Variants in ZFYVE9 observed in about 807,000 individuals in gnomAD.
ZFYVE9 encodes zinc finger FYVE domain-containing protein 9.
Under a neutral mutation model 126.7 loss-of-function variants are expected in ZFYVE9, and 43 were observed. That is an observed-to-expected ratio of 0.34 (90% confidence interval 0.27 to 0.44). ZFYVE9 has a LOEUF of 0.44. Among genes scored for constraint, ZFYVE9 ranks in the 20% least tolerant of loss-of-function variants. The probability of loss-of-function intolerance (pLI) is 1.00; values close to 1 mark genes in which losing one functional copy is unlikely to be tolerated. For synonymous variants in ZFYVE9, 521 were observed against 597.4 expected, an observed-to-expected ratio of 0.87 and a Z score of 1.87; for missense variants, 1,476 against 1,697.0, an observed-to-expected ratio of 0.87 and a Z score of 2.29.
At chr1:52,179,880 A>C (rs1644681475) in intron 1 of ZFYVE9, 4 of 786,494 alleles carry the variant, frequency 5.1e-6, no homozygotes, top group Non-Finnish European at 8.9e-6. Flanking sequence ...GAATGGAGTG[A>C]CATCTTACAC....
At chr1:52,221,129 G>A (rs931040870) in intron 2 of ZFYVE9, among the ~76,000 whole-genome samples, 1 of 152,196 alleles carries the variant, frequency 6.6e-6, no homozygotes, top group Non-Finnish European at 1.5e-5. Context: ...ATTCTGCAGG[G>A]ATTTTAAGGC....
intron 1 of ZFYVE9, among the ~76,000 whole-genome samples, chr1:52,178,278 CAAAAAAAAAAAA>C: frequency 5.1e-5 from 1 of 19,614 alleles, no homozygotes; most frequent in Middle Eastern, 0.036. Flanking sequence ...GACTCCATCT[CAAAAAAAAAAAA>C]AAAAAAAAAA....
chr1:52,266,617 C>A, intron 5 of ZFYVE9, 38 bp from the exon 6 acceptor site: 1 of 1,515,826 alleles, frequency 6.6e-7, no homozygotes. Context: ...CCATATTTTG[C>A]AATCCATTCA....
intron 2 of ZFYVE9, among the ~76,000 whole-genome samples, chr1:52,230,095 C>T (rs1035427933): frequency 5.3e-5 from 8 of 152,258 alleles, no homozygotes; most frequent in Admixed American, 2.6e-4. Flanking sequence ...GTCTCCATCT[C>T]CTGACCTCGT....
At chr1:52,294,754 C>T (rs1201437699) in intron 11 of ZFYVE9, among the ~76,000 whole-genome samples, 4 of 152,168 alleles carry the variant, frequency 2.6e-5, no homozygotes, top group African/African-American at 9.7e-5. Flanking sequence ...GCATATGAAT[C>T]AGCTAAATGA....
At chr1:52,277,418 A>T (rs1557496159) in intron 8 of ZFYVE9, among the ~76,000 whole-genome samples, 1 of 152,210 alleles carries the variant, frequency 6.6e-6, no homozygotes, top group Non-Finnish European at 1.5e-5. Context: ...CTACCAAGAA[A>T]GAACAGTGAA....
intron 1 of ZFYVE9, among the ~76,000 whole-genome samples, chr1:52,181,817 G>A (rs1242539438): frequency 1.3e-5 from 2 of 149,772 alleles, no homozygotes; most frequent in African/African-American, 2.5e-5. Flanking sequence ...TGGCCGCCCC[G>A]TCTGAGAAGC....
chr1:52,239,431 G>T lies in ZFYVE9; in HGVS notation c.2014G>T (p.Asp672Tyr). ...LALAPDSPDNDLRAGQFGISA... is the reference protein window; with the variant it reads ...LALAPDSPDNYLRAGQFGISA... ...ATTAGCTCCAGATAGCCCAGATAATGATCTCAGAGCTGGTCAGTTTGGAAT... is the reference window on the plus strand; with the variant it reads ...ATTAGCTCCAGATAGCCCAGATAATTATCTCAGAGCTGGTCAGTTTGGAAT... The change falls in exon 4 of 19, where the codon GAT becomes TAT. Residue 672 changes from aspartate (D) to tyrosine (Y), a missense_variant. Around this residue, in one of 2 missense-constraint regions of ZFYVE9, gnomAD observed 807 missense variants for 794.6 expected, o/e 1.02. Coordinates refer to ENST00000287727, the MANE Select transcript of ZFYVE9 (RefSeq NM_004799.4). 1.2e-6 allele frequency: 2 copies of T among 1,614,118 alleles called. No individual in the cohort carries two copies. The highest frequency in any genetic ancestry group is 1.3e-5 in the African/African-American group (1 of 75,036).
At chr1:52,243,489 A>G (rs1293357289) in intron 4 of ZFYVE9, among the ~76,000 whole-genome samples, 1 of 152,168 alleles carries the variant, frequency 6.6e-6, no homozygotes, top group East Asian at 1.9e-4. Context: ...CATTGAGGTT[A>G]AGAAGGCACC....
At chr1:52,289,106 G>A (rs528255391) in intron 10 of ZFYVE9, among the ~76,000 whole-genome samples, 78 of 152,110 alleles carry the variant, frequency 5.1e-4, no homozygotes, top group African/African-American at 1.7e-3. Context: ...AAAGATGGCT[G>A]GCTACTTATA....
At position 52,246,478 on chromosome 1, in the gene ZFYVE9, T is replaced by G. The variant is rs991250390; in HGVS notation, c.2178+6883T>G. Among the ~76,000 whole-genome samples, 6 of 151,902 alleles carry G rather than the reference T, an allele frequency of 3.9e-5. No individual in the cohort carries two copies. In the South Asian group the frequency reaches 1.0e-3, roughly 26 times the overall value. ...CATTAAGACAAATAATGTTTTGGCT[T>G]ATACCTTCAGAGATCAGTTTTCTTA... is the stretch of plus-strand genomic sequence containing the variant. On this transcript the variant is annotated intron_variant, in intron 4 of 18. Coordinates refer to ENST00000287727, the MANE Select transcript of ZFYVE9 (RefSeq NM_004799.4).
chr1:52,263,057 C>A (rs1365866610), intron 4 of ZFYVE9, among the ~76,000 whole-genome samples: 3 of 145,914 alleles, frequency 2.1e-5, no homozygotes, highest in Admixed American at 6.9e-5. Flanking sequence ...CCAGCCTGGG[C>A]CACAGAGTCA....
chr1:52,250,706 CT>C (rs1645435621), intron 4 of ZFYVE9, among the ~76,000 whole-genome samples: 1 of 150,984 alleles, frequency 6.6e-6, no homozygotes, highest in Non-Finnish European at 1.5e-5. Context: ...AGCAAAAGTT[CT>C]TTCAGTCTTT....
chr1:52,180,709 C>T (rs1644690650), intron 1 of ZFYVE9, among the ~76,000 whole-genome samples: 1 of 152,164 alleles, frequency 6.6e-6, no homozygotes, highest in Non-Finnish European at 1.5e-5. Flanking sequence ...GGCGCGGTGG[C>T]TTACGCCTGT....
chr1:52,195,633 A>G (rs1442946932), intron 1 of ZFYVE9, among the ~76,000 whole-genome samples: 1 of 151,128 alleles, frequency 6.6e-6, no homozygotes, highest in Non-Finnish European at 1.5e-5. Context: ...TAAGTGGTCA[A>G]TAAATATTAT....
Position 52,255,977 on chromosome 1 carries a change from TTTCTTTCCTTCC to T in ZFYVE9, c.2179-7792_2179-7781del, listed in dbSNP as rs1267435296. Among the ~76,000 whole-genome samples the T allele has an allele frequency of 1.0e-3, 139 of 135,236 alleles. 1 individual carries two copies. The highest frequency in any genetic ancestry group is 3.6e-3 in the African/African-American group (108 of 29,988). 88.7% of individuals were successfully genotyped at this position (135,236 alleles called of 152,430 possible). On this transcript the variant is annotated intron_variant, in intron 4 of 18. Coordinates refer to ENST00000287727, the MANE Select transcript of ZFYVE9 (RefSeq NM_004799.4). ...TCTTTTCTTTTCTTTTCTTTCTTTC[TTTCTTTCCTTCC>T]TTCCTTCCTTCCTTCCTTCCTTCTT...
chr1:52,157,764 T>C (rs1165322480), intron 1 of ZFYVE9, among the ~76,000 whole-genome samples: 9 of 152,172 alleles, frequency 5.9e-5, no homozygotes, highest in Admixed American at 5.9e-4. Flanking sequence ...TTATTGGCTG[T>C]CTTTCAACAT....
At chr1:52,272,320 A>G (rs1645700698) in intron 7 of ZFYVE9, among the ~76,000 whole-genome samples, 1 of 152,236 alleles carries the variant, frequency 6.6e-6, no homozygotes, top group Non-Finnish European at 1.5e-5. Flanking sequence ...ATTCAGGTGA[A>G]GATACAGAAC....
intron 13 of ZFYVE9, among the ~76,000 whole-genome samples, chr1:52,318,831 C>G (rs950780664): frequency 6.6e-6 from 1 of 152,136 alleles, no homozygotes; most frequent in Non-Finnish European, 1.5e-5. Flanking sequence ...GGTGTGGTGG[C>G]TCACACCTGT....
Sources: allele counts gnomAD v4.1 joint callset (sites outside exome capture counted in the v4.1 genomes callset), GRCh38; gene constraint gnomAD v4.1.1; regional missense constraint gnomAD v4.1.1; transcripts MANE v1.5; gene names NCBI Gene and HGNC (gene_info 2026-07-23, HGNC 2026-07-21).